The following PPP2R5E variants were observed in gnomAD, a reference collection of about 807,000 sequenced individuals.
PPP2R5E encodes the protein protein phosphatase 2 regulatory subunit B'epsilon.
A neutral mutation model predicts 65.3 loss-of-function variants in PPP2R5E; 4 were observed. The ratio of observed to expected loss-of-function variants is 0.06; its 90% CI spans 0.03 to 0.14. The LOEUF (loss-of-function observed/expected upper bound fraction) is 0.14, where lower values mean the gene tolerates loss of function less well. Among genes scored for constraint, PPP2R5E ranks in the 10% least tolerant of loss-of-function variants. The pLI, the probability that PPP2R5E is intolerant of heterozygous loss-of-function variation, is 1.00. For synonymous variants in PPP2R5E, 183 were observed against 187.4 expected (o/e 0.98, Z 0.19); for missense variants, 274 against 556.1 (o/e 0.49, Z 5.10).
intron 5 of PPP2R5E, among the ~76,000 whole-genome samples, chr14:63,397,003 G>A (rs980277464): frequency 6.6e-6 from 1 of 152,126 alleles, no homozygotes; most frequent in African/African-American, 2.4e-5. Context: ...AATTTTCCAA[G>A]CAATCTACAT....
intron 5 of PPP2R5E, among the ~76,000 whole-genome samples, chr14:63,408,723 A>G (rs1886223035): frequency 6.6e-6 from 1 of 152,222 alleles, no homozygotes; most frequent in South Asian, 2.1e-4. Flanking sequence ...GCAATATGCT[A>G]CATTTCTGCA....
At chr14:63,517,936 A>G (rs11848591) in intron 2 of PPP2R5E, among the ~76,000 whole-genome samples, 2 of 152,148 alleles carry the variant, frequency 1.3e-5, no homozygotes, top group East Asian at 3.8e-4. Context: ...AATTAATTCT[A>G]TTGCATTATG....
intron 2 of PPP2R5E, among the ~76,000 whole-genome samples, chr14:63,479,028 C>T (rs545515757): frequency 4.6e-5 from 7 of 152,124 alleles, no homozygotes; most frequent in Non-Finnish European, 7.4e-5. Context: ...ACTCAGGAGT[C>T]TGAGGCATGA....
chr14:63,512,998 C>T (rs368616743), intron 2 of PPP2R5E, among the ~76,000 whole-genome samples: 1 of 64,418 alleles, frequency 1.6e-5, no homozygotes, highest in South Asian at 3.3e-4. Context: ...CACCCCCCTA[C>T]CCCCCACCAA....
chr14:63,473,324 T>C (rs1890222638), intron 2 of PPP2R5E, among the ~76,000 whole-genome samples: 1 of 152,048 alleles, frequency 6.6e-6, no homozygotes, highest in South Asian at 2.1e-4. Flanking sequence ...AAGGTGAAAG[T>C]TGAAATCAAA....
chr14:63,411,041 A>T (rs939751976), intron 5 of PPP2R5E, among the ~76,000 whole-genome samples: 5 of 152,250 alleles, frequency 3.3e-5, no homozygotes, highest in African/African-American at 1.2e-4. Flanking sequence ...ACAGATGAAC[A>T]AACCCATGGT....
chr14:63,396,660 G>A lies in PPP2R5E; in HGVS notation c.606C>T (p.Val202=), dbSNP rs147780005. The change falls in exon 6 of 14, where the codon GTC becomes GTT. Residue 202 remains valine, a synonymous_variant. Coordinates refer to ENST00000337537, the MANE Select transcript of PPP2R5E (RefSeq NM_006246.5). ...GAAACTTGCCATAAATTCTGTGTAAGACTGTTTTTAAGTAGTCCCGTTCCC... is the reference window on the plus strand; with the variant it reads ...GAAACTTGCCATAAATTCTGTGTAAAACTGTTTTTAAGTAGTCCCGTTCCC... ...DPRERDYLKT[V]LHRIYGKFLG... is the part of the protein sequence containing the mutation. 22 of 1,613,594 alleles carry A rather than the reference G, an allele frequency of 1.4e-5. No homozygotes were observed. Among genetic ancestry groups the A allele is most frequent in the South Asian group, 5.5e-5 (5 of 91,086 alleles).
At chr14:63,406,279 T>C (rs1025186275) in intron 5 of PPP2R5E, among the ~76,000 whole-genome samples, 3 of 151,356 alleles carry the variant, frequency 2.0e-5, no homozygotes, top group Non-Finnish European at 2.9e-5. Flanking sequence ...GGCATACTGG[T>C]GCATGCTTGT....
chr14:63,402,011 T>C (rs1279833099), intron 5 of PPP2R5E, among the ~76,000 whole-genome samples: 1 of 152,220 alleles, frequency 6.6e-6, no homozygotes, highest in African/African-American at 2.4e-5. Context: ...GGTGTATTGA[T>C]GATTTACAAT....
intron 2 of PPP2R5E, among the ~76,000 whole-genome samples, chr14:63,462,384 A>G (rs373085462): frequency 6.6e-6 from 1 of 152,260 alleles, no homozygotes; most frequent in African/African-American, 2.4e-5. Context: ...ACTGTAGATC[A>G]TCATAAAAGC....
chr14:63,495,062 G>A (rs1294248637), intron 2 of PPP2R5E, among the ~76,000 whole-genome samples: 6 of 150,068 alleles, frequency 4.0e-5, no homozygotes, highest in African/African-American at 1.5e-4. Flanking sequence ...AAATTAGCTG[G>A]CCCAGAGGCA....
intron 2 of PPP2R5E, among the ~76,000 whole-genome samples, chr14:63,522,875 C>G (rs1247303483): frequency 6.6e-6 from 1 of 150,490 alleles, no homozygotes; most frequent in Non-Finnish European, 1.5e-5. Context: ...GGTCAGCCCC[C>G]CGCCCGGCCA....
intron 2 of PPP2R5E, among the ~76,000 whole-genome samples, chr14:63,511,357 A>G (rs1892444142): frequency 6.6e-6 from 1 of 152,224 alleles, no homozygotes; most frequent in African/African-American, 2.4e-5. Flanking sequence ...TGAGACTCAC[A>G]AAGCCCAGGC....
Position 63,406,715 on chromosome 14 carries a change from T to C in PPP2R5E, c.549+8425A>G, listed in dbSNP as rs536325169. 3.9e-5 allele frequency among the ~76,000 whole-genome samples: 6 copies of C among 152,326 alleles called. No individual in the cohort carries two copies. The South Asian group carries it at 1.0e-3, about 26-fold the overall frequency. Reference sequence around the variant, plus strand: ...ATTATAAATTATACGTTCCTGGCACTAATAAACATTTATGTTCAACACTGA... The same window carrying C: ...ATTATAAATTATACGTTCCTGGCACCAATAAACATTTATGTTCAACACTGA... On this transcript the variant is annotated intron_variant, in intron 5 of 13. Coordinates refer to ENST00000337537, the MANE Select transcript of PPP2R5E (RefSeq NM_006246.5).
rs1163137641 is a variant in PPP2R5E, at chr14:63,430,393, ACATACATG to A, written c.355-8307_355-8300del. On this transcript the variant is annotated intron_variant, in intron 3 of 13. Coordinates refer to ENST00000337537, the MANE Select transcript of PPP2R5E (RefSeq NM_006246.5). ...TACATGCATGCATACATACATACAT[ACATACATG>A]CATACATACATACATACATGCATAC... Among the ~76,000 whole-genome samples, 266 of 138,990 alleles carry A rather than the reference ACATACATG, an allele frequency of 1.9e-3. 1 individual carries two copies. Among genetic ancestry groups the A allele is most frequent in the African/African-American group, 7.5e-3 (241 of 32,124 alleles). 91.2% of individuals were successfully genotyped at this position (138,990 alleles called of 152,430 possible). A position where few individuals can be genotyped will look rare whatever the true frequency, so the allele number is the denominator to read the frequency against.
At chr14:63,533,186 T>C (rs1893506693) in intron 2 of PPP2R5E, among the ~76,000 whole-genome samples, 1 of 152,236 alleles carries the variant, frequency 6.6e-6, no homozygotes, top group Non-Finnish European at 1.5e-5. Context: ...CATTCACTCG[T>C]TATAAAAATC....
intron 2 of PPP2R5E, among the ~76,000 whole-genome samples, chr14:63,522,908 TC>T (rs1893003809): frequency 2.0e-5 from 2 of 99,640 alleles, no homozygotes; most frequent in South Asian, 3.7e-4. Flanking sequence ...GGGAGGGAGG[TC>T]GGGGGGTCAG....
intron 5 of PPP2R5E, among the ~76,000 whole-genome samples, chr14:63,404,999 A>T (rs1270532035): frequency 6.6e-6 from 1 of 152,250 alleles, no homozygotes; most frequent in Non-Finnish European, 1.5e-5. Flanking sequence ...CAAGACAGCA[A>T]GAGCAGAGCA....
chr14:63,530,411 T>G (rs1893373463), intron 2 of PPP2R5E, among the ~76,000 whole-genome samples: 1 of 151,708 alleles, frequency 6.6e-6, no homozygotes, highest in South Asian at 2.1e-4. Flanking sequence ...TTTTGTATTT[T>G]TAATAGAGAC....
Sources: gnomAD v4.1 joint callset for allele counts (sites outside exome capture counted in the v4.1 genomes callset) on GRCh38, gnomAD v4.1.1 for gene constraint, MANE v1.5 for transcripts, NCBI Gene and HGNC (gene_info 2026-07-23, HGNC 2026-07-21) for gene names.